The following CASR variants were observed in gnomAD, a reference collection of about 807,000 sequenced individuals.
The protein encoded by CASR is extracellular calcium-sensing receptor.
In CASR, 23 loss-of-function variants were observed where a neutral mutation model predicts 69.1. The ratio of observed to expected loss-of-function variants is 0.33; its 90% confidence interval spans 0.24 to 0.47. The LOEUF is 0.47. CASR is among the 20% of genes least tolerant of loss of function. The probability of loss-of-function intolerance (pLI) is 1.00; values close to 1 mark genes in which losing one functional copy is unlikely to be tolerated. For synonymous variants in CASR, 541 were observed against 544.7 expected (o/e 0.99, Z 0.10); for missense variants, 924 against 1,356.1 (o/e 0.68, Z 5.00).
At chr3:122,231,860 G>A (rs1471707894) in intron 1 of CASR, among the ~76,000 whole-genome samples, 3 of 151,740 alleles carry the variant, frequency 2.0e-5, no homozygotes, top group Non-Finnish European at 4.4e-5. Flanking sequence ...TGTAAATACC[G>A]ACGGGCTTGA....
At chr3:122,252,459 G>GAAAGAAAGAAAAAAAAGAA (rs1559954451) in intron 1 of CASR, among the ~76,000 whole-genome samples, 9 of 62,348 alleles carry the variant, frequency 1.4e-4, no homozygotes, top group South Asian at 6.4e-4. Context: ...AAAAAGAAAA[G>GAAAGAAAGAAAAAAAAGAA]AAAGAAAAGA....
chr3:122,247,817 T>G (rs1284012341), intron 1 of CASR: 1 of 152,496 alleles, frequency 6.6e-6, no homozygotes, highest in Non-Finnish European at 1.5e-5. Context: ...TAGGCTTCTG[T>G]TTCCCCACTT....
intron 1 of CASR, among the ~76,000 whole-genome samples, chr3:122,212,740 C>A (rs374379122): frequency 4.0e-5 from 6 of 151,678 alleles, no homozygotes; most frequent in African/African-American, 1.5e-4. Context: ...TTCCCAAGTT[C>A]AAGCAATTCT....
intron 1 of CASR, among the ~76,000 whole-genome samples, chr3:122,228,006 A>G (rs2074242189): frequency 6.6e-6 from 1 of 152,266 alleles, no homozygotes; most frequent in South Asian, 2.1e-4. Context: ...TGAGATGTAT[A>G]TGCCTGTGAA....
At chr3:122,217,073 A>G (rs1192625498) in intron 1 of CASR, among the ~76,000 whole-genome samples, 1 of 152,046 alleles carries the variant, frequency 6.6e-6, no homozygotes, top group Non-Finnish European at 1.5e-5. Flanking sequence ...ATATTTGTCT[A>G]GAACTTGTTT....
At chr3:122,281,684 T>C (rs542833381) in intron 5 of CASR, among the ~76,000 whole-genome samples, 1 of 152,358 alleles carries the variant, frequency 6.6e-6, no homozygotes, top group East Asian at 1.9e-4. Flanking sequence ...TATAGATTTG[T>C]CTAATATTAG....
At chr3:122,191,582 G>A (rs1036163894) in intron 1 of CASR, among the ~76,000 whole-genome samples, 1 of 152,102 alleles carries the variant, frequency 6.6e-6, no homozygotes, top group Non-Finnish European at 1.5e-5. Flanking sequence ...AAAGTGCTGG[G>A]ATTACAGGCA....
intron 1 of CASR, among the ~76,000 whole-genome samples, chr3:122,236,378 A>G (rs780519600): frequency 2.0e-5 from 3 of 152,220 alleles, no homozygotes; most frequent in African/African-American, 7.2e-5. Context: ...TTCCGGGCAA[A>G]GCTGAAGGGG....
chr3:122,213,026 G>A (rs759162036), intron 1 of CASR, among the ~76,000 whole-genome samples: 4 of 152,076 alleles, frequency 2.6e-5, no homozygotes, highest in South Asian at 4.1e-4. Context: ...TTACCTAAGC[G>A]CCCAGAAAGC....
chr3:122,229,413 G>A (rs1576835578), intron 1 of CASR, among the ~76,000 whole-genome samples: 1 of 152,344 alleles, frequency 6.6e-6, no homozygotes, highest in East Asian at 1.9e-4. Context: ...CCTCTAAACA[G>A]TCATGAACAA....
intron 1 of CASR, among the ~76,000 whole-genome samples, chr3:122,240,069 G>A (rs2074365824): frequency 6.6e-6 from 1 of 152,140 alleles, no homozygotes; most frequent in Non-Finnish European, 1.5e-5. Context: ...TTAACCCAAA[G>A]AAGACTACCT....
At chr3:122,261,445 C>G (rs2074620114) in intron 3 of CASR, 83 bp from the exon 4 acceptor site, 3 of 1,264,034 alleles carry the variant, frequency 2.4e-6, no homozygotes, top group Non-Finnish European at 2.3e-6. Context: ...CTCAGAAAGC[C>G]ACCTCCACAA....
intron 4 of CASR, among the ~76,000 whole-genome samples, chr3:122,265,452 C>G (rs2074682000): frequency 6.6e-6 from 1 of 152,170 alleles, no homozygotes; most frequent in Non-Finnish European, 1.5e-5. Flanking sequence ...CTTCACTACT[C>G]CTTTGCTGTA....
At chr3:122,207,076 A>G (rs2074014333) in intron 1 of CASR, among the ~76,000 whole-genome samples, 1 of 151,710 alleles carries the variant, frequency 6.6e-6, no homozygotes, top group Non-Finnish European at 1.5e-5. Context: ...ATCTGCTCTA[A>G]TTTTATTATT....
chr3:122,218,413 A>C (rs1285606318), intron 1 of CASR, among the ~76,000 whole-genome samples: 1 of 152,022 alleles, frequency 6.6e-6, no homozygotes, highest in Non-Finnish European at 1.5e-5. Flanking sequence ...AGGAGCCTGT[A>C]GTCCCAGCTA....
At chr3:122,203,307 A>C (rs1264146988) in intron 1 of CASR, among the ~76,000 whole-genome samples, 1 of 152,184 alleles carries the variant, frequency 6.6e-6, no homozygotes, top group Admixed American at 6.5e-5. Context: ...TTGCTTTACA[A>C]TGGGGATATG....
At chr3:122,259,880 G>A (rs956629916) in intron 3 of CASR, among the ~76,000 whole-genome samples, 5 of 152,084 alleles carry the variant, frequency 3.3e-5, no homozygotes, top group African/African-American at 1.2e-4. Context: ...ATTGGACATG[G>A]AAAATTAATT....
intron 1 of CASR, among the ~76,000 whole-genome samples, chr3:122,220,733 C>G (rs975698791): frequency 3.3e-5 from 5 of 152,058 alleles, no homozygotes; most frequent in Non-Finnish European, 7.4e-5. Flanking sequence ...CAGCACTTTG[C>G]GAGGCCGAGG....
intron 1 of CASR, chr3:122,247,449 T>G (rs1326287166): frequency 6.6e-6 from 1 of 152,232 alleles, no homozygotes; most frequent in African/African-American, 2.4e-5. Flanking sequence ...GCATTTTTCT[T>G]TATAAAAACA....
Sources: gnomAD v4.1 joint callset for allele counts (sites outside exome capture counted in the v4.1 genomes callset) on GRCh38, gnomAD v4.1.1 for gene constraint, MANE v1.5 for transcripts, NCBI Gene and HGNC (gene_info 2026-07-23, HGNC 2026-07-21) for gene names.